Variants in PRKAR1B observed in about 807,000 individuals in gnomAD.
PRKAR1B encodes the protein protein kinase cAMP-dependent type I regulatory subunit beta.
A neutral mutation model predicts 46.5 loss-of-function variants in PRKAR1B; 22 were observed. The ratio of observed to expected loss-of-function variants is 0.47; its 90% CI spans 0.34 to 0.68. PRKAR1B has a LOEUF of 0.68. Ranked by LOEUF, PRKAR1B falls within the 30% of genes least tolerant of loss-of-function variation. PRKAR1B has a pLI of 0.01. For synonymous variants in PRKAR1B, 259 were observed against 217.7 expected, an observed-to-expected ratio of 1.19 and a Z score of -1.67; for missense variants, 445 against 535.6, an observed-to-expected ratio of 0.83 and a Z score of 1.67.
chr7:676,218 T>C (rs1377018273), intron 4 of PRKAR1B, among the ~76,000 whole-genome samples: 2 of 152,170 alleles, frequency 1.3e-5, no homozygotes, highest in African/African-American at 2.4e-5. Flanking sequence ...TTCAATCTTT[T>C]CAAAATTTTC....
intron 4 of PRKAR1B, among the ~76,000 whole-genome samples, chr7:628,062 G>C (rs556202895): frequency 1.3e-5 from 2 of 152,124 alleles, no homozygotes; most frequent in Non-Finnish European, 2.9e-5. Context: ...AAGGCCCCCC[G>C]AACTCATCTC....
At position 596,415 on chromosome 7, in the gene PRKAR1B, C is replaced by T. The variant is rs1022832718; in HGVS notation, c.550-111G>A. The T allele has an allele frequency of 3.1e-5, 41 of 1,342,190 alleles. No individual in the cohort carries two copies. In the African/African-American group the frequency reaches 4.4e-4, roughly 14 times the overall value. The allele number at this position is 1,342,190 out of a possible 1,614,324, so 83.1% of individuals were successfully genotyped here. ...TCTCCAGAAGAGGGTCCCCGCAGGG[C>T]GGGGCACAAGCCCTTTCGCTTGTGG... On this transcript the variant is annotated intron_variant, in intron 6 of 10. Coordinates refer to ENST00000537384, the MANE Select transcript of PRKAR1B (RefSeq NM_001164760.2).
At chr7:591,965 C>T (rs926223495) in intron 7 of PRKAR1B, among the ~76,000 whole-genome samples, 4 of 152,228 alleles carry the variant, frequency 2.6e-5, no homozygotes, top group African/African-American at 7.2e-5. Flanking sequence ...CTGAAGGCAC[C>T]GCTGTGGAAC....
intron 1 of PRKAR1B, chr7:726,871 G>C: frequency 7.6e-7 from 1 of 1,320,824 alleles, no homozygotes; most frequent in Non-Finnish European, 9.6e-7. Flanking sequence ...GCGCGCCTTG[G>C]AGGCCCTGCG....
At chr7:551,507 G>C (rs1233967804) in intron 9 of PRKAR1B, 37 bp from the exon 10 acceptor site, 1 of 1,544,444 alleles carries the variant, frequency 6.5e-7, no homozygotes, top group Admixed American at 2.0e-5. Flanking sequence ...GTGCCAGCCA[G>C]GCGGGTGCAG....
chr7:597,590 G>A (rs1375259606), intron 6 of PRKAR1B, among the ~76,000 whole-genome samples: 3 of 152,196 alleles, frequency 2.0e-5, no homozygotes, highest in Non-Finnish European at 4.4e-5. Flanking sequence ...CCACCCGCGC[G>A]TGCAGGGATA....
At chr7:691,415 G>T in intron 2 of PRKAR1B, 1 of 1,079,176 alleles carries the variant, frequency 9.3e-7, no homozygotes, top group Non-Finnish European at 1.3e-6. Context: ...GTCAGGAGGG[G>T]TGCAGGAGGG....
chr7:659,026 C>A (rs901031908), intron 4 of PRKAR1B, among the ~76,000 whole-genome samples: 1 of 152,106 alleles, frequency 6.6e-6, no homozygotes, highest in African/African-American at 2.4e-5. Context: ...TCTCATGACA[C>A]CAGGCAAATA....
rs139987786 is a variant in PRKAR1B at position 604,649 on chromosome 7, G to T, written c.549+1544C>A. On this transcript the variant is annotated intron_variant, in intron 6 of 10. Transcript: ENST00000537384. ...CCGGAAGCAGAGTGGGCCTGCTCAG[G>T]TTCCCAGAAACACAGCGCGATGGGG... is the stretch of plus-strand genomic sequence containing the variant. 1.2e-3 allele frequency among the ~76,000 whole-genome samples: 185 copies of T among 152,352 alleles called. 2 individuals carry two copies. Among genetic ancestry groups the T allele is most frequent in the African/African-American group, 4.2e-3 (174 of 41,582 alleles).
chr7:553,483 G>A (rs758129199), intron 9 of PRKAR1B, among the ~76,000 whole-genome samples: 2 of 152,180 alleles, frequency 1.3e-5, no homozygotes, highest in Non-Finnish European at 2.9e-5. Flanking sequence ...GGAAGCTGAG[G>A]CCCAGGAAGG....
At chr7:720,602 G>A (rs770079749) in intron 1 of PRKAR1B, among the ~76,000 whole-genome samples, 36 of 152,220 alleles carry the variant, frequency 2.4e-4, no homozygotes, top group Non-Finnish European at 4.0e-4. Flanking sequence ...TGCAACAGCA[G>A]GCTTGTCTCT....
At chr7:669,230 G>C (rs71536300) in intron 4 of PRKAR1B, among the ~76,000 whole-genome samples, 14,438 of 152,204 alleles carry the variant, frequency 0.095, 798 homozygotes, top group South Asian at 0.17. Context: ...ATCACGAAAG[G>C]TCATATATCA....
chr7:561,940 T>C (rs989754301), intron 9 of PRKAR1B: 1 of 152,298 alleles, frequency 6.6e-6, no homozygotes, highest in African/African-American at 2.4e-5. Flanking sequence ...CAAACCCAGT[T>C]ATCCCCTCGG....
At chr7:718,101 T>C (rs1780941962) in intron 1 of PRKAR1B, among the ~76,000 whole-genome samples, 1 of 151,902 alleles carries the variant, frequency 6.6e-6, no homozygotes, top group Non-Finnish European at 1.5e-5. Context: ...AACAACCAAG[T>C]GCACTTGGGA....
At position 666,174 on chromosome 7, in the gene PRKAR1B, G is replaced by C. The variant is rs1785916088; in HGVS notation, c.440+11055C>G. On this transcript the variant is annotated intron_variant, in intron 4 of 10. Transcript: ENST00000537384. The surrounding 1 kb of genome is among the most constrained non-coding windows in gnomAD (Gnocchi z 4.9). ...GCCCTAATCAGGGAAAGCCGGGAAGGGACCGGGATAGAACCCAAGGGCCTC... is the reference window on the plus strand; with the variant it reads ...GCCCTAATCAGGGAAAGCCGGGAAGCGACCGGGATAGAACCCAAGGGCCTC... Among the ~76,000 whole-genome samples, 1 of 152,206 alleles carries C rather than the reference G, an allele frequency of 6.6e-6. No homozygotes were observed. Among genetic ancestry groups the C allele is most frequent in the Admixed American group, 6.5e-5 (1 of 15,284 alleles).
At chr7:652,405 A>C (rs1250157799) in intron 4 of PRKAR1B, among the ~76,000 whole-genome samples, 1 of 114,304 alleles carries the variant, frequency 8.7e-6, no homozygotes, top group East Asian at 3.1e-4. Flanking sequence ...CCCGTGCAGC[A>C]CTAGGAACCT....
At chr7:636,394 CCTCA>C (rs1784093289) in intron 4 of PRKAR1B, among the ~76,000 whole-genome samples, 1 of 74,942 alleles carries the variant, frequency 1.3e-5, no homozygotes, top group African/African-American at 4.9e-5. Flanking sequence ...CCGGCCGCGC[CCTCA>C]CGTCCTCCAC....
intron 7 of PRKAR1B, among the ~76,000 whole-genome samples, chr7:588,072 C>G (rs1780700862): frequency 6.6e-6 from 1 of 152,202 alleles, no homozygotes; most frequent in Non-Finnish European, 1.5e-5. Context: ...CGTGGCCCTC[C>G]CCACTCGCTC....
chr7:650,579 C>G (rs564347541), intron 4 of PRKAR1B, among the ~76,000 whole-genome samples: 1 of 152,222 alleles, frequency 6.6e-6, no homozygotes, highest in Non-Finnish European at 1.5e-5. Flanking sequence ...CCCCTGCACA[C>G]GTCCCGCCAT....
Sources: gnomAD v4.1 joint callset for allele counts (sites outside exome capture counted in the v4.1 genomes callset) on GRCh38, gnomAD v4.1.1 for gene constraint, Gnocchi (gnomAD v3.1) non-coding constraint, MANE v1.5 for transcripts, NCBI Gene and HGNC (gene_info 2026-07-23, HGNC 2026-07-21) for gene names.